RBFOX1: variants seen among roughly 807,000 people sequenced by gnomAD.
The protein encoded by RBFOX1 is RNA binding protein fox-1 homolog 1.
In RBFOX1, 8 loss-of-function variants were observed where a neutral mutation model predicts 57.7. That is an observed-to-expected ratio of 0.14 (90% CI 0.08 to 0.25). The LOEUF (loss-of-function observed/expected upper bound fraction) is 0.25. RBFOX1 is among the 10% of genes least tolerant of loss of function. The pLI, the probability that RBFOX1 is intolerant of heterozygous loss-of-function variation, is 1.00. For synonymous variants in RBFOX1, 326 were observed against 222.4 expected (o/e 1.47, Z -4.15); for missense variants, 611 against 548.5 (o/e 1.11, Z -1.14).
intron 4 of RBFOX1, among the ~76,000 whole-genome samples, chr16:7,219,812 G>C (rs1004337572): frequency 2.0e-5 from 3 of 152,172 alleles, no homozygotes; most frequent in Non-Finnish European, 2.9e-5. Flanking sequence ...TGATATGAAA[G>C]CATGACCTTC....
intron 4 of RBFOX1, among the ~76,000 whole-genome samples, chr16:7,074,702 C>G (rs755275213): frequency 1.3e-5 from 2 of 152,104 alleles, no homozygotes; most frequent in African/African-American, 4.8e-5. Context: ...GTGAAAACAT[C>G]AGCTTATACT....
chr16:6,220,072 A>G (rs2097362194), intron 1 of RBFOX1, among the ~76,000 whole-genome samples: 1 of 151,880 alleles, frequency 6.6e-6, no homozygotes, highest in Non-Finnish European at 1.5e-5. Context: ...ATATAAATGT[A>G]TTTATCTATA....
intron 4 of RBFOX1, among the ~76,000 whole-genome samples, chr16:7,439,949 CTTTTT>C (rs144449326): frequency 3.2e-5 from 3 of 94,056 alleles, no homozygotes; most frequent in Admixed American, 1.1e-4. Flanking sequence ...TCTTTTCTTT[CTTTTT>C]TTTTTTTTTT....
intron 3 of RBFOX1, among the ~76,000 whole-genome samples, chr16:5,758,471 C>T (rs188616943): frequency 1.3e-5 from 2 of 152,288 alleles, no homozygotes; most frequent in Admixed American, 1.3e-4. Context: ...CAAAGCGCAG[C>T]ACAGTGGCCC....
At chr16:5,909,448 A>G (rs1416675811) in intron 4 of RBFOX1, among the ~76,000 whole-genome samples, 6 of 152,216 alleles carry the variant, frequency 3.9e-5, no homozygotes, top group South Asian at 2.1e-4. Flanking sequence ...TATTTAATAG[A>G]TAAAAGGAGA....
intron 1 of RBFOX1, among the ~76,000 whole-genome samples, chr16:6,095,479 C>T (rs374133367): frequency 8.5e-5 from 13 of 152,172 alleles, no homozygotes; most frequent in Non-Finnish European, 1.5e-4. Flanking sequence ...CTTCTTTTCA[C>T]TCTTTCTCTT....
chr16:6,208,261 A>G (rs2097268362), intron 1 of RBFOX1, among the ~76,000 whole-genome samples: 1 of 152,136 alleles, frequency 6.6e-6, no homozygotes, highest in South Asian at 2.1e-4. Flanking sequence ...GTGATGGGAT[A>G]TGGAATTTTT....
At chr16:7,292,172 C>CATATATCATATATGATATAGAACGTATT (rs2095795126) in intron 4 of RBFOX1, among the ~76,000 whole-genome samples, 1 of 121,710 alleles carries the variant, frequency 8.2e-6, no homozygotes, top group African/African-American at 3.2e-5. Context: ...TATTATATAT[C>CATATATCATATATGATATAGAACGTATT]ATATATCATA....
intron 3 of RBFOX1, among the ~76,000 whole-genome samples, chr16:6,970,659 C>T (rs1218915484): frequency 1.3e-5 from 2 of 152,188 alleles, no homozygotes; most frequent in African/African-American, 4.8e-5. Context: ...AGGGCTATGA[C>T]CTCATGACGT....
intron 14 of RBFOX1, among the ~76,000 whole-genome samples, chr16:7,698,113 T>C (rs2079375099): frequency 6.6e-6 from 1 of 151,944 alleles, no homozygotes. Context: ...TGAAAAACAA[T>C]TAACAATATG....
chr16:7,137,682 G>T (rs900130535), intron 4 of RBFOX1, among the ~76,000 whole-genome samples: 3 of 152,162 alleles, frequency 2.0e-5, no homozygotes, highest in African/African-American at 7.2e-5. Context: ...AAGCTCCTTG[G>T]TTAGAAGCCT....
chr16:6,815,740 C>T (rs1163232284), intron 3 of RBFOX1, among the ~76,000 whole-genome samples: 5 of 152,154 alleles, frequency 3.3e-5, no homozygotes, highest in Admixed American at 2.6e-4. Flanking sequence ...CTCTGGTCCC[C>T]AGCAAAAAGT....
intron 1 of RBFOX1, among the ~76,000 whole-genome samples, chr16:6,136,317 A>T (rs761419512): frequency 6.6e-6 from 1 of 152,078 alleles, no homozygotes; most frequent in Non-Finnish European, 1.5e-5. Flanking sequence ...TGCCTTTGAT[A>T]CAACCTTCCC....
chr16:6,342,199 G>C (rs1265169008), intron 2 of RBFOX1, among the ~76,000 whole-genome samples: 2 of 152,286 alleles, frequency 1.3e-5, no homozygotes, highest in Admixed American at 1.3e-4. Context: ...TGGGAATGGA[G>C]GCAAGCTTGT....
intron 3 of RBFOX1, among the ~76,000 whole-genome samples, chr16:6,727,183 G>T (rs571595252): frequency 2.2e-4 from 33 of 151,816 alleles, no homozygotes; most frequent in African/African-American, 7.7e-4. Context: ...GAAAGAAGAG[G>T]TGAGACTCAC....
chr16:6,996,882 C>T (rs1226450260), intron 3 of RBFOX1, among the ~76,000 whole-genome samples: 1 of 152,026 alleles, frequency 6.6e-6, no homozygotes, highest in Admixed American at 6.6e-5. Flanking sequence ...CATCTGTAGT[C>T]ACAGAGTTAG....
chr16:5,822,280 G>C (rs192557583), intron 3 of RBFOX1, among the ~76,000 whole-genome samples: 2 of 152,134 alleles, frequency 1.3e-5, no homozygotes, highest in Non-Finnish European at 2.9e-5. Context: ...TGGGGACTTG[G>C]GGGGAATAGG....
intron 2 of RBFOX1, among the ~76,000 whole-genome samples, chr16:6,369,538 C>G (rs1054842884): frequency 6.6e-6 from 1 of 152,088 alleles, no homozygotes; most frequent in Non-Finnish European, 1.5e-5. Flanking sequence ...CTCTTTAGTC[C>G]TAAAGTTGTT....
chr16:6,947,682 T>C (rs1416186534), intron 3 of RBFOX1, among the ~76,000 whole-genome samples: 1 of 152,244 alleles, frequency 6.6e-6, no homozygotes, highest in Non-Finnish European at 1.5e-5. Context: ...GAAAGCTATA[T>C]GACTTCTCTG....
Sources: allele counts gnomAD v4.1 joint callset (sites outside exome capture counted in the v4.1 genomes callset), GRCh38; gene constraint gnomAD v4.1.1; transcripts MANE v1.5; gene names NCBI Gene and HGNC (gene_info 2026-07-23, HGNC 2026-07-21).